BRCA1: variants seen among roughly 807,000 people sequenced by gnomAD.
BRCA1 encodes the protein BRCA1 DNA repair associated, also known as breast cancer type 1 susceptibility protein.
In BRCA1, 140 loss-of-function variants were observed where a neutral mutation model predicts 173.7. That is an observed-to-expected ratio of 0.81 (90% CI 0.70 to 0.93). The LOEUF (loss-of-function observed/expected upper bound fraction) is 0.93, where lower values mean the gene tolerates loss of function less well. Among genes scored for constraint, BRCA1 ranks in the 40% least tolerant of loss-of-function variants. The probability of loss-of-function intolerance (pLI) is 0.00; values close to 1 mark genes in which losing one functional copy is unlikely to be tolerated. For synonymous variants in BRCA1, 662 were observed against 756.0 expected (o/e 0.88, Z 2.04); for missense variants, 1,983 against 2,172.5 (o/e 0.91, Z 1.73).
At chr17:43,140,822 C>G (rs770288318) in intron 1 of BRCA1, among the ~76,000 whole-genome samples, 22 of 152,300 alleles carry the variant, frequency 1.4e-4, no homozygotes, top group Middle Eastern at 6.8e-3. Context: ...CCATCTTTTT[C>G]ATGGACTCTC....
intron 1 of BRCA1, chr17:43,144,932 G>A: frequency 3.4e-6 from 2 of 582,268 alleles, no homozygotes; most frequent in South Asian, 1.5e-5. Context: ...CAGGCACCTG[G>A]CACCCACCTT....
chr17:43,148,112 T>C (rs907402462), intron 1 of BRCA1, among the ~76,000 whole-genome samples: 4 of 149,066 alleles, frequency 2.7e-5, no homozygotes, highest in Admixed American at 6.6e-5. Flanking sequence ...CTAAGCTCTC[T>C]TCTAATTCTA....
At chr17:43,096,527 G>C (rs1032188615) in intron 8 of BRCA1, among the ~76,000 whole-genome samples, 3 of 149,636 alleles carry the variant, frequency 2.0e-5, no homozygotes, top group Admixed American at 6.7e-5. Context: ...AGCCGAGATG[G>C]CGCCACTACA....
At chr17:43,048,687 GT>G (rs67906350) in intron 21 of BRCA1, among the ~76,000 whole-genome samples, 39,716 of 135,454 alleles carry the variant, frequency 0.29, 5,751 homozygotes, top group South Asian at 0.5. Flanking sequence ...GCTACTTTTT[GT>G]TTTTTTTTTT....
intron 8 of BRCA1, among the ~76,000 whole-genome samples, chr17:43,096,380 A>T (rs537806106): frequency 6.7e-6 from 1 of 149,878 alleles, no homozygotes; most frequent in African/African-American, 2.4e-5. Context: ...CTGTCTCAAA[A>T]AAAAAAAAAA....
chr17:43,125,112 G>GCCCCCCCCC, intron 1 of BRCA1, 159 bp downstream of exon 1: 1 of 270,442 alleles, frequency 3.7e-6, no homozygotes. Flanking sequence ...CCTACAAACT[G>GCCCCCCCCC]CCCCCCTCCC....
intron 3 of BRCA1, among the ~76,000 whole-genome samples, chr17:43,113,222 C>G (rs909602939): frequency 6.6e-6 from 1 of 152,228 alleles, no homozygotes; most frequent in African/African-American, 2.4e-5. Flanking sequence ...TTTCTTACAT[C>G]CTTTTTCTAT....
intron 6 of BRCA1, 27 bp downstream of exon 6, chr17:43,104,091 AGAAG>A (rs761517096): frequency 1.3e-6 from 2 of 1,597,344 alleles, no homozygotes; most frequent in African/African-American, 2.7e-5. Context: ...GAAAAGAAGA[AGAAG>A]AAGAAGAAGA....
chr17:43,052,946 G>A (rs1035187329), intron 19 of BRCA1, among the ~76,000 whole-genome samples: 8 of 148,090 alleles, frequency 5.4e-5, no homozygotes, highest in African/African-American at 1.5e-4. Flanking sequence ...GTGCCATCTC[G>A]GCTCACTGCA....
At chr17:43,123,350 T>A (rs1392267376) in intron 2 of BRCA1, among the ~76,000 whole-genome samples, 2 of 93,338 alleles carry the variant, frequency 2.1e-5, no homozygotes, top group African/African-American at 2.8e-4. Flanking sequence ...ATCATCCATG[T>A]TTTTTTTTTT....
chr17:43,050,978 C>T (rs2051186782), intron 20 of BRCA1, 85 bp downstream of exon 20: 5 of 1,331,506 alleles, frequency 3.8e-6, no homozygotes, highest in Admixed American at 1.7e-5. Flanking sequence ...TCTGAGGAAC[C>T]CCCATCGTGG....
chr17:43,044,748 T>C lies in BRCA1; in HGVS notation c.*930A>G. 2 of 499,642 alleles carry C rather than the reference T, an allele frequency of 4.0e-6. No homozygotes were observed. Among genetic ancestry groups the C allele is most frequent in the South Asian group, 3.1e-5 (2 of 64,028 alleles). The allele number at this position is 499,642 out of a possible 1,614,324, so 31.0% of individuals were successfully genotyped here. On this transcript the variant is annotated 3_prime_UTR_variant, in exon 23 of 23. Transcript: ENST00000357654. ...TTCTGCTGTTTTAGAACACATTCTT[T>C]AGAAATCTAGCAAATATATCTCAGA...
At chr17:43,079,093 A>G (rs2052877127) in intron 12 of BRCA1, among the ~76,000 whole-genome samples, 1 of 152,044 alleles carries the variant, frequency 6.6e-6, no homozygotes, top group Non-Finnish European at 1.5e-5. Context: ...CCAGCTACCC[A>G]GGAGGCTGAG....
intron 16 of BRCA1, 84 bp downstream of exon 16, chr17:43,067,524 G>T (rs181582137): frequency 1.7e-6 from 2 of 1,146,296 alleles, no homozygotes; most frequent in South Asian, 1.2e-5. Context: ...AAAGTGCTGC[G>T]ATTACAGGCA....
intron 1 of BRCA1, among the ~76,000 whole-genome samples, chr17:43,168,596 G>A (rs1231167916): frequency 2.0e-5 from 3 of 152,180 alleles, no homozygotes; most frequent in Admixed American, 6.5e-5. Flanking sequence ...CCCAAATCAC[G>A]CCATTACACT....
At position 43,094,074 on chromosome 17, in the gene BRCA1, A is replaced by G. The variant is rs774159828; in HGVS notation, c.1457T>C (p.Phe486Ser). Reference sequence around the variant, plus strand: ...TTGTATTATCTGTGGCTCAGTAACAAATGCTCCTATAATTAGATTTTCAGT... The same window carrying G: ...TTGTATTATCTGTGGCTCAGTAACAGATGCTCCTATAATTAGATTTTCAGT... ...HVTENLIIGA[F>S]VTEPQIIQER... is the part of the protein sequence containing the mutation. The change falls in exon 10 of 23, where the codon TTT (phenylalanine) becomes TCT (serine). Residue 486 changes from phenylalanine (F) to serine (S), a missense_variant. Coordinates refer to ENST00000357654, the MANE Select transcript of BRCA1 (RefSeq NM_007294.4). 6.2e-7 allele frequency: 1 copy of G among 1,614,086 alleles called. No homozygotes were observed. Among genetic ancestry groups the G allele is most frequent in the Non-Finnish European group, 8.5e-7 (1 of 1,179,990 alleles).
chr17:43,089,084 G>A (rs868115651), intron 11 of BRCA1, among the ~76,000 whole-genome samples: 1 of 152,128 alleles, frequency 6.6e-6, no homozygotes, highest in African/African-American at 2.4e-5. Context: ...AGGCTGAGAC[G>A]GGTGGATTAT....
rs80357146 is a variant in BRCA1, at chr17:43,057,093, G to T, written c.5236C>A (p.His1746Asn). ...VRGDVVNGRN[H>N]QGPKRARESQ... ...TCTCTTGCTCGCTTTGGACCTTGGT[G>T]GTTTCTTCCATTGACCACATCTCCT... is the stretch of plus-strand genomic sequence containing the variant. The change falls in exon 19 of 23, where the codon CAC becomes AAC. Residue 1746 changes from histidine to asparagine, a missense_variant. Transcript: ENST00000357654. The T allele has an allele frequency of 6.2e-7, 1 of 1,614,062 alleles. No homozygotes were observed. The highest frequency in any genetic ancestry group is 1.7e-4 in the Middle Eastern group (1 of 6,058).
Position 43,045,552 on chromosome 17 carries a change from A to C in BRCA1, c.*126T>G, listed in dbSNP as rs776610841. 1.7e-5 allele frequency: 24 copies of C among 1,413,050 alleles called. No homozygotes were observed. The highest frequency in any genetic ancestry group is 3.9e-6 in the Non-Finnish European group (4 of 1,018,294). The allele number at this position is 1,413,050 out of a possible 1,614,324, so 87.5% of individuals were successfully genotyped here. A position where few individuals can be genotyped will look rare whatever the true frequency, so the allele number is the denominator to read the frequency against. On this transcript the variant is annotated 3_prime_UTR_variant, in exon 23 of 23. Coordinates refer to ENST00000357654, the MANE Select transcript of BRCA1 (RefSeq NM_007294.4). ...AGAAGTCCTTTTCAGGCTGATGTACATAAAATATTTAGTAGCCAGGACAGT... is the reference window on the plus strand; with the variant it reads ...AGAAGTCCTTTTCAGGCTGATGTACCTAAAATATTTAGTAGCCAGGACAGT...
Sources: allele counts gnomAD v4.1 joint callset (sites outside exome capture counted in the v4.1 genomes callset), GRCh38; gene constraint gnomAD v4.1.1; transcripts MANE v1.5; gene names NCBI Gene and HGNC (gene_info 2026-07-23, HGNC 2026-07-21).